The following HECW2 variants were observed in gnomAD, a reference collection of about 807,000 sequenced individuals.
HECW2 encodes E3 ubiquitin-protein ligase HECW2.
In HECW2, 61 loss-of-function variants were observed where a neutral mutation model predicts 175.2. The ratio of observed to expected loss-of-function variants is 0.35; its 90% CI spans 0.28 to 0.43. The LOEUF (loss-of-function observed/expected upper bound fraction) is 0.43, where lower values mean the gene tolerates loss of function less well. Among genes scored for constraint, HECW2 ranks in the 20% least tolerant of loss-of-function variants. HECW2 has a pLI of 1.00. For synonymous variants in HECW2, 671 were observed against 731.0 expected, an observed-to-expected ratio of 0.92 and a Z score of 1.32; for missense variants, 1,524 against 2,000.5, an observed-to-expected ratio of 0.76 and a Z score of 4.54.
At chr2:196,464,183 G>A (rs917731617) in intron 1 of HECW2, among the ~76,000 whole-genome samples, 3 of 151,990 alleles carry the variant, frequency 2.0e-5, no homozygotes, top group Admixed American at 6.5e-5. Flanking sequence ...TGGCACCTAA[G>A]AAAGCATATG....
chr2:196,534,987 C>G (rs779671765), intron 1 of HECW2, among the ~76,000 whole-genome samples: 3 of 151,906 alleles, frequency 2.0e-5, no homozygotes, highest in Admixed American at 2.0e-4. Context: ...AATCTATGTC[C>G]CCTTCAGTCT....
intron 2 of HECW2, among the ~76,000 whole-genome samples, chr2:196,361,268 CAAGTT>C (rs1476499052): frequency 4.6e-5 from 7 of 152,076 alleles, no homozygotes; most frequent in Non-Finnish European, 1.0e-4. Flanking sequence ...GTTTTATTCT[CAAGTT>C]AAAAGTGTTG....
At chr2:196,366,651 T>A (rs1693753030) in intron 2 of HECW2, among the ~76,000 whole-genome samples, 1 of 152,198 alleles carries the variant, frequency 6.6e-6, no homozygotes, top group Admixed American at 6.5e-5. Flanking sequence ...GGATGTAGTA[T>A]TTTTCCTCAT....
chr2:196,312,741 G>C (rs1248667515), intron 10 of HECW2, among the ~76,000 whole-genome samples: 1 of 152,176 alleles, frequency 6.6e-6, no homozygotes, highest in Non-Finnish European at 1.5e-5. Context: ...AAAAAGTCAA[G>C]TAGTTGCATA....
intron 16 of HECW2, among the ~76,000 whole-genome samples, chr2:196,273,127 G>A (rs1689809979): frequency 1.4e-5 from 2 of 144,256 alleles, no homozygotes; most frequent in Admixed American, 7.1e-5. Flanking sequence ...GAGTGCAGTG[G>A]TGCAATCTCG....
rs1052022047 is a variant in HECW2, at chr2:196,194,580, T to C, written c.*6697A>G. 1.1e-4 allele frequency: 17 copies of C among 152,176 alleles called. No homozygotes were observed. Among genetic ancestry groups the C allele is most frequent in the African/African-American group, 3.9e-4 (16 of 41,506 alleles). 9.4% of individuals were successfully genotyped at this position (152,176 alleles called of 1,614,324 possible). A position where few individuals can be genotyped will look rare whatever the true frequency, so the allele number is the denominator to read the frequency against. Reference sequence around the variant, plus strand: ...ACAGACTTCCCAGAAAATAAACAACTAGTCCCAGTTCAGAGTCCTAGGCCC... The same window carrying C: ...ACAGACTTCCCAGAAAATAAACAACCAGTCCCAGTTCAGAGTCCTAGGCCC... On this transcript the variant is annotated 3_prime_UTR_variant, in exon 29 of 29. Transcript: ENST00000644978.
chr2:196,200,268 A>AGTCATATTG lies in HECW2; in HGVS notation c.*1000_*1008dup, dbSNP rs1686812995. ...CTTCTCAAGTGATGGAGTTGCTGTT[A>AGTCATATTG]GTCATATTGTAATGTCCCTTCACCT... is the stretch of plus-strand genomic sequence containing the variant. On this transcript the variant is annotated 3_prime_UTR_variant, in exon 29 of 29. Transcript: ENST00000644978. 6.6e-6 allele frequency: 1 copy of AGTCATATTG among 152,598 alleles called. No homozygotes were observed. The highest frequency in any genetic ancestry group is 2.1e-4 in the South Asian group (1 of 4,838). 9.5% of individuals were successfully genotyped at this position (152,598 alleles called of 1,614,324 possible).
chr2:196,306,048 G>T (rs1011663265), intron 13 of HECW2, among the ~76,000 whole-genome samples: 1 of 152,076 alleles, frequency 6.6e-6, no homozygotes, highest in Admixed American at 6.5e-5. Flanking sequence ...TTAGGAGATG[G>T]GGGCAGGAGG....
At chr2:196,413,664 T>A (rs965620779) in intron 2 of HECW2, among the ~76,000 whole-genome samples, 2 of 152,096 alleles carry the variant, frequency 1.3e-5, no homozygotes, top group Admixed American at 6.6e-5. Flanking sequence ...TCAAAAAAAA[T>A]TATATGAGAT....
intron 1 of HECW2, among the ~76,000 whole-genome samples, chr2:196,576,823 A>G (rs1451747242): frequency 2.0e-5 from 3 of 152,226 alleles, no homozygotes; most frequent in Non-Finnish European, 4.4e-5. Flanking sequence ...TTATAAATAT[A>G]TAATTTCTAT....
chr2:196,519,728 A>G lies in HECW2; in HGVS notation c.-36+73780T>C, dbSNP rs191664340. Reference sequence around the variant, plus strand: ...TCACAGGAGTAATTAGATTTAAGGGAAAAATTAATGTTTAAGCCAAGAAAA... The same window carrying G: ...TCACAGGAGTAATTAGATTTAAGGGGAAAATTAATGTTTAAGCCAAGAAAA... On this transcript the variant is annotated intron_variant, in intron 1 of 28. Transcript: ENST00000644978. 6.0e-4 allele frequency among the ~76,000 whole-genome samples: 92 copies of G among 152,346 alleles called. No individual in the cohort carries two copies. In the East Asian group the frequency reaches 9.2e-3, roughly 15 times the overall value.
At chr2:196,292,194 T>C (rs6730618) in intron 14 of HECW2, 44,672 of 166,828 alleles carry the variant, frequency 0.27, 6,976 homozygotes, top group African/African-American at 0.43. Flanking sequence ...CTTCTCCAAA[T>C]AATACCACAA....
intron 28 of HECW2, among the ~76,000 whole-genome samples, chr2:196,212,197 A>ATT (rs56246710): frequency 0.018 from 2,706 of 150,822 alleles, 83 homozygotes; most frequent in African/African-American, 0.062. Context: ...GTGCAATGTA[A>ATT]TTTTTTTTTT....
Position 196,287,289 on chromosome 2 carries a change from A to G in HECW2, c.3000+5276T>C, listed in dbSNP as rs60510647. The stretch of plus-strand genomic sequence containing the variant: ...GATATTGTAACACATGATTTCTGTA[A>G]GGAAAAACACAACAAACTATGGGAA... On this transcript the variant is annotated intron_variant, in intron 14 of 28. Transcript: ENST00000644978. Among the ~76,000 whole-genome samples, 1,507 of 152,356 alleles carry G rather than the reference A, an allele frequency of 9.9e-3. 23 individuals are homozygous for G. Among genetic ancestry groups the G allele is most frequent in the African/African-American group, 0.035 (1,442 of 41,582 alleles).
chr2:196,331,274 TC>T, intron 4 of HECW2: 2 of 984,888 alleles, frequency 2.0e-6, no homozygotes, highest in Non-Finnish European at 2.4e-6. Flanking sequence ...TGTATTGTAC[TC>T]CTCTGACTCA....
At chr2:196,218,822 A>C (rs531687815) in intron 26 of HECW2, among the ~76,000 whole-genome samples, 1 of 152,348 alleles carries the variant, frequency 6.6e-6, no homozygotes, top group African/African-American at 2.4e-5. Flanking sequence ...CAACATTATA[A>C]TAACCAAAGA....
At chr2:196,575,993 G>A (rs989803602) in intron 1 of HECW2, among the ~76,000 whole-genome samples, 2 of 152,080 alleles carry the variant, frequency 1.3e-5, no homozygotes, top group Non-Finnish European at 2.9e-5. Flanking sequence ...CTCCAACATT[G>A]GGGATCACAT....
intron 1 of HECW2, among the ~76,000 whole-genome samples, chr2:196,448,243 T>A (rs1696243541): frequency 6.6e-6 from 1 of 152,196 alleles, no homozygotes; most frequent in African/African-American, 2.4e-5. Flanking sequence ...TCCCAATCAA[T>A]GTAAATAGAT....
rs576698026 is a variant in HECW2, at chr2:196,284,664, A to C, written c.3001-6002T>G. On this transcript the variant is annotated intron_variant, in intron 14 of 28. Coordinates refer to ENST00000644978, the MANE Select transcript of HECW2 (RefSeq NM_001348768.2). Reference sequence around the variant, plus strand: ...CATTTCTATTTGTGACACACATATCAATTATGTCAGGAAAATGGATCACTT... The same window carrying C: ...CATTTCTATTTGTGACACACATATCCATTATGTCAGGAAAATGGATCACTT... Among the ~76,000 whole-genome samples the C allele has an allele frequency of 3.3e-5, 5 of 152,348 alleles. No homozygotes were observed. The South Asian group carries it at 1.0e-3, about 32-fold the overall frequency.
Sources: gnomAD v4.1 joint callset for allele counts (sites outside exome capture counted in the v4.1 genomes callset) on GRCh38, gnomAD v4.1.1 for gene constraint, MANE v1.5 for transcripts, NCBI Gene and HGNC (gene_info 2026-07-23, HGNC 2026-07-21) for gene names.